Variants in RAPGEF6 observed in about 807,000 individuals in gnomAD.
RAPGEF6 encodes the protein PDZ domain containing guanine nucleotide exchange factor (GEF) 2.
A neutral mutation model predicts 171.4 loss-of-function variants in RAPGEF6; 56 were observed. The observed-to-expected ratio is 0.33, with a 90% CI of 0.26 to 0.41. The LOEUF (loss-of-function observed/expected upper bound fraction) is 0.41, where lower values mean the gene tolerates loss of function less well. Ranked by LOEUF, RAPGEF6 falls within the 10% of genes least tolerant of loss-of-function variation. RAPGEF6 has a pLI of 1.00. For missense variants in RAPGEF6, 1,674 were observed against 1,921.4 expected, an observed-to-expected ratio of 0.87 and a Z score of 2.41; for synonymous variants, 692 against 650.1, an observed-to-expected ratio of 1.06 and a Z score of -0.98.
intron 3 of RAPGEF6, among the ~76,000 whole-genome samples, chr5:131,600,465 T>G (rs1007577583): frequency 1.2e-4 from 17 of 147,812 alleles, no homozygotes; most frequent in African/African-American, 3.5e-4. Flanking sequence ...GAGGTTGTAG[T>G]AAGCCGAGAT....
intron 3 of RAPGEF6, among the ~76,000 whole-genome samples, chr5:131,602,215 A>G (rs1408221615): frequency 6.6e-6 from 1 of 152,168 alleles, no homozygotes; most frequent in Non-Finnish European, 1.5e-5. Flanking sequence ...ACACAAACCT[A>G]GAAGATGGTA....
chr5:131,486,725 A>AT (rs1561502894), intron 15 of RAPGEF6, among the ~76,000 whole-genome samples: 22 of 115,990 alleles, frequency 1.9e-4, no homozygotes, highest in South Asian at 3.1e-4. Context: ...TCAAGGGATA[A>AT]ATTTTTTTTT....
At position 131,464,157 on chromosome 5, in the gene RAPGEF6, A is replaced by G; in HGVS notation, c.2364T>C (p.Gly788=). Residue 788 remains glycine, a synonymous_variant, in exon 18 of 28, where the codon GGT becomes GGC. Transcript: ENST00000509018. The stretch of plus-strand genomic sequence containing the variant: ...CACAGAGAGAATATGTGTCGGATGC[A>G]CCGGTCAAACCAAATTCATGAACAG... ...FHAVHEFGLT[G]ASDTYSLCEV... 1 of 1,614,072 alleles carries G rather than the reference A, an allele frequency of 6.2e-7. No individual in the cohort carries two copies. Among genetic ancestry groups the G allele is most frequent in the Non-Finnish European group, 8.5e-7 (1 of 1,179,960 alleles).
At chr5:131,486,003 A>G (rs1345232031) in intron 15 of RAPGEF6, among the ~76,000 whole-genome samples, 1 of 152,168 alleles carries the variant, frequency 6.6e-6, no homozygotes. Flanking sequence ...TCTAAAGAAC[A>G]TATTTATTTT....
chr5:131,627,517 A>G (rs1441767032), intron 1 of RAPGEF6, among the ~76,000 whole-genome samples: 3 of 152,252 alleles, frequency 2.0e-5, no homozygotes, highest in Non-Finnish European at 4.4e-5. Context: ...AGGGAAATAA[A>G]CATTAAGGGA....
chr5:131,603,834 T>A (rs1677492097), intron 2 of RAPGEF6, among the ~76,000 whole-genome samples: 2 of 151,906 alleles, frequency 1.3e-5, no homozygotes, highest in Non-Finnish European at 2.9e-5. Flanking sequence ...AAATATATAA[T>A]AAATAATAAA....
intron 7 of RAPGEF6, among the ~76,000 whole-genome samples, chr5:131,517,140 G>C (rs1758140413): frequency 1.3e-5 from 2 of 152,112 alleles, no homozygotes; most frequent in Non-Finnish European, 2.9e-5. Flanking sequence ...AGGGGCAAGG[G>C]CTGAAAAACC....
At chr5:131,610,438 G>A (rs58583866) in intron 1 of RAPGEF6, among the ~76,000 whole-genome samples, 4,043 of 152,270 alleles carry the variant, frequency 0.027, 191 homozygotes, top group African/African-American at 0.092. Context: ...GTAGGTGGAC[G>A]CAGGGCTGCT....
At chr5:131,432,736 G>A (rs1031840097) in intron 25 of RAPGEF6, among the ~76,000 whole-genome samples, 1 of 152,106 alleles carries the variant, frequency 6.6e-6, no homozygotes, top group African/African-American at 2.4e-5. Context: ...TGTGACAGAG[G>A]CCTTATGGCC....
intron 24 of RAPGEF6, 123 bp from the exon 25 acceptor site, chr5:131,433,781 T>C: frequency 2.7e-6 from 2 of 742,710 alleles, no homozygotes; most frequent in Non-Finnish European, 4.3e-6. Context: ...GAAGCAATTT[T>C]AGTTTCCATC....
chr5:131,473,911 AG>A (rs1006119093), intron 16 of RAPGEF6, among the ~76,000 whole-genome samples: 2 of 152,232 alleles, frequency 1.3e-5, no homozygotes, highest in Admixed American at 1.3e-4. Context: ...GAAGAGTCAG[AG>A]AAAAGCAAAG....
chr5:131,544,281 C>G (rs1003705911), intron 6 of RAPGEF6, among the ~76,000 whole-genome samples: 18 of 151,910 alleles, frequency 1.2e-4, no homozygotes, highest in Middle Eastern at 3.2e-3. Flanking sequence ...TGCAATTGCC[C>G]AAAACTGGAA....
intron 5 of RAPGEF6, among the ~76,000 whole-genome samples, chr5:131,552,800 T>C (rs919471618): frequency 6.6e-5 from 10 of 152,104 alleles, no homozygotes; most frequent in Non-Finnish European, 1.5e-4. Flanking sequence ...AAAGTATTAC[T>C]GTACCTAAAG....
chr5:131,477,330 G>C (rs543359986), intron 16 of RAPGEF6, among the ~76,000 whole-genome samples: 2 of 152,286 alleles, frequency 1.3e-5, no homozygotes, highest in Middle Eastern at 6.8e-3. Flanking sequence ...AAACATGTTT[G>C]GAAGGGACAG....
intron 15 of RAPGEF6, among the ~76,000 whole-genome samples, chr5:131,486,971 C>G (rs913046473): frequency 2.6e-4 from 40 of 152,088 alleles, no homozygotes; most frequent in Admixed American, 2.6e-3. Flanking sequence ...GCTTGGTGAT[C>G]CCTGATCGTC....
At chr5:131,532,414 C>T (rs935155715) in intron 6 of RAPGEF6, among the ~76,000 whole-genome samples, 1 of 152,138 alleles carries the variant, frequency 6.6e-6, no homozygotes, top group Non-Finnish European at 1.5e-5. Context: ...CATATACATG[C>T]GGCCTCAGGC....
chr5:131,520,600 T>G (rs1272857354), intron 7 of RAPGEF6, among the ~76,000 whole-genome samples: 1 of 152,170 alleles, frequency 6.6e-6, no homozygotes, highest in Non-Finnish European at 1.5e-5. Flanking sequence ...CAACCCTCAA[T>G]ATCATGCATC....
intron 4 of RAPGEF6, among the ~76,000 whole-genome samples, chr5:131,572,202 G>A (rs1178707331): frequency 6.6e-6 from 1 of 152,064 alleles, no homozygotes; most frequent in Non-Finnish European, 1.5e-5. Flanking sequence ...ACTCCTTCGG[G>A]AGACCGGTCC....
rs753893793 is a variant in RAPGEF6 at position 131,498,560 on chromosome 5, G to A, written c.1302C>T (p.Ile434=). The A allele has an allele frequency of 4.3e-6, 7 of 1,613,706 alleles. No individual in the cohort carries two copies. The highest frequency in any genetic ancestry group is 2.2e-5 in the East Asian group (1 of 44,860). Reference sequence around the variant, plus strand: ...AATCTTCTATATAAGTTGGATCCACGATGGAATGTTCTTCTATTAAATGCA... The same window carrying A: ...AATCTTCTATATAAGTTGGATCCACAATGGAATGTTCTTCTATTAAATGCA... ...LIMHLIEEHS[I]VDPTYIEDFL... Residue 434 remains isoleucine, a synonymous_variant, in exon 12 of 28, where the codon ATC becomes ATT. Coordinates refer to ENST00000509018, the MANE Select transcript of RAPGEF6 (RefSeq NM_016340.6).
Sources: allele counts gnomAD v4.1 joint callset (sites outside exome capture counted in the v4.1 genomes callset), GRCh38; gene constraint gnomAD v4.1.1; transcripts MANE v1.5; gene names NCBI Gene and HGNC (gene_info 2026-07-23, HGNC 2026-07-21).